Variants in CACNA1E observed in about 807,000 individuals in gnomAD.
CACNA1E encodes voltage-dependent R-type calcium channel subunit alpha-1E.
In CACNA1E, 40 loss-of-function variants were observed where a neutral mutation model predicts 259.2. That is an observed-to-expected ratio of 0.15 (90% CI 0.12 to 0.20). CACNA1E has a LOEUF of 0.20. CACNA1E is among the 10% of genes least tolerant of loss of function. The pLI is 1.00. For missense variants in CACNA1E, 1,874 were observed against 3,040.1 expected, an observed-to-expected ratio of 0.62 and a Z score of 9.02; for synonymous variants, 1,104 against 1,138.5, an observed-to-expected ratio of 0.97 and a Z score of 0.61.
chr1:181,600,959 C>T (rs2103064222), intron 6 of CACNA1E, among the ~76,000 whole-genome samples: 1 of 152,304 alleles, frequency 6.6e-6, no homozygotes, highest in South Asian at 2.1e-4. Flanking sequence ...TCTATTAGCA[C>T]TGCAGTAGGT....
chr1:181,701,380 G>T (rs189162770), intron 7 of CACNA1E, among the ~76,000 whole-genome samples: 3 of 152,280 alleles, frequency 2.0e-5, no homozygotes, highest in East Asian at 3.9e-4. Context: ...GCTGTGGGGG[G>T]TGTAGATGGA....
chr1:181,754,818 G>A (rs1367412760), intron 27 of CACNA1E, among the ~76,000 whole-genome samples: 2 of 152,140 alleles, frequency 1.3e-5, no homozygotes, highest in Non-Finnish European at 2.9e-5. Flanking sequence ...TATATAAATC[G>A]AATCTAAGAA....
intron 25 of CACNA1E, 98 bp from the exon 26 acceptor site, chr1:181,750,378 G>A (rs914219185): frequency 2.9e-6 from 3 of 1,020,954 alleles, no homozygotes; most frequent in African/African-American, 1.6e-5. Context: ...TTTTCTCCCT[G>A]AAGTGTTCTG....
At chr1:181,710,617 G>A (rs1653256258) in intron 7 of CACNA1E, among the ~76,000 whole-genome samples, 2 of 152,198 alleles carry the variant, frequency 1.3e-5, no homozygotes, top group South Asian at 2.1e-4. Context: ...CCTTCAGAGG[G>A]TTAAGGGTTT....
At chr1:181,715,299 AT>A in intron 8 of CACNA1E, 38 bp from the exon 9 acceptor site, 1 of 1,310,804 alleles carries the variant, frequency 7.6e-7, no homozygotes. Flanking sequence ...ATAATTTGGC[AT>A]TTACAGATAA....
intron 2 of CACNA1E, among the ~76,000 whole-genome samples, chr1:181,418,764 C>T (rs569277891): frequency 3.3e-5 from 5 of 152,044 alleles, no homozygotes; most frequent in Non-Finnish European, 7.4e-5. Context: ...TGTCTCCCCC[C>T]TCAAAATGTA....
intron 1 of CACNA1E, among the ~76,000 whole-genome samples, chr1:181,321,314 C>A (rs1349971272): frequency 1.3e-5 from 2 of 152,250 alleles, no homozygotes; most frequent in African/African-American, 4.8e-5. Context: ...TAGATCTCAC[C>A]ACAGGGATCT....
chr1:181,460,439 C>G (rs1283457132), intron 2 of CACNA1E, among the ~76,000 whole-genome samples: 1 of 152,178 alleles, frequency 6.6e-6, no homozygotes, highest in African/African-American at 2.4e-5. Flanking sequence ...GGGCCAGGAA[C>G]AGGACCCACA....
Position 181,722,699 on chromosome 1 carries a change from T to C in CACNA1E, c.2074+824T>C, listed in dbSNP as rs564076527. Among the ~76,000 whole-genome samples the C allele has an allele frequency of 5.3e-5, 8 of 152,350 alleles. No individual in the cohort carries two copies. The East Asian group carries it at 1.5e-3, about 29-fold the overall frequency. ...TACAAACTTCTATACAACTGTTAGATGCTTTTGGGGAGTTGGGTTGGCCGT... is the reference window on the plus strand; with the variant it reads ...TACAAACTTCTATACAACTGTTAGACGCTTTTGGGGAGTTGGGTTGGCCGT... On this transcript the variant is annotated intron_variant, in intron 16 of 47. Coordinates refer to ENST00000367573, the MANE Select transcript of CACNA1E (RefSeq NM_001205293.3).
chr1:181,787,793 A>C (rs1202025782), intron 43 of CACNA1E, among the ~76,000 whole-genome samples: 2 of 152,174 alleles, frequency 1.3e-5, no homozygotes, highest in East Asian at 3.8e-4. Flanking sequence ...CAAGCTCTTC[A>C]AGAGTGGTAA....
chr1:181,673,179 T>C (rs1481515091), intron 7 of CACNA1E, among the ~76,000 whole-genome samples: 1 of 151,728 alleles, frequency 6.6e-6, no homozygotes, highest in Non-Finnish European at 1.5e-5. Context: ...AACTGGGACA[T>C]AGATACATGT....
At chr1:181,343,692 C>T (rs999474362) in intron 1 of CACNA1E, among the ~76,000 whole-genome samples, 6 of 152,200 alleles carry the variant, frequency 3.9e-5, no homozygotes, top group South Asian at 2.1e-4. Context: ...ATCAAGGAGG[C>T]GACAGCTTTC....
chr1:181,327,138 C>A (rs1650857459), intron 1 of CACNA1E, among the ~76,000 whole-genome samples: 1 of 152,208 alleles, frequency 6.6e-6, no homozygotes, highest in African/African-American at 2.4e-5. Context: ...GTCTCCAATG[C>A]TTTGCCCTTA....
chr1:181,634,816 G>C (rs1051018128), intron 6 of CACNA1E, among the ~76,000 whole-genome samples: 1 of 152,112 alleles, frequency 6.6e-6, no homozygotes, highest in Non-Finnish European at 1.5e-5. Context: ...CCTACTCCAG[G>C]TATGTCCCCT....
intron 2 of CACNA1E, among the ~76,000 whole-genome samples, chr1:181,461,395 G>GC (rs1346516564): frequency 6.6e-6 from 1 of 151,706 alleles, no homozygotes; most frequent in East Asian, 1.9e-4. Flanking sequence ...CAAAAAATTA[G>GC]CCGGGCGTGG....
chr1:181,531,298 T>C (rs1667762306), intron 3 of CACNA1E, among the ~76,000 whole-genome samples: 1 of 152,204 alleles, frequency 6.6e-6, no homozygotes, highest in Admixed American at 6.5e-5. Context: ...CCTGGCTTCC[T>C]AGGGGGATAG....
chr1:181,763,385 T>G, intron 33 of CACNA1E, 21 bp from the exon 34 acceptor site: 2 of 1,555,576 alleles, frequency 1.3e-6, no homozygotes, highest in Non-Finnish European at 1.8e-6. Flanking sequence ...CCTAATTATA[T>G]GTTTCCTTTT....
At chr1:181,752,944 C>T (rs1657728353) in intron 27 of CACNA1E, among the ~76,000 whole-genome samples, 1 of 152,338 alleles carries the variant, frequency 6.6e-6, no homozygotes, top group African/African-American at 2.4e-5. Flanking sequence ...CACAATTCTG[C>T]TAGACTGTTG....
Position 181,804,353 on chromosome 1 carries a change from C to G in CACNA1E, c.*5519C>G, listed in dbSNP as rs1448908925. On this transcript the variant is annotated 3_prime_UTR_variant, in exon 48 of 48. Coordinates refer to ENST00000367573, the MANE Select transcript of CACNA1E (RefSeq NM_001205293.3). ...GTACCAGCTGTCTTTTCTCTCTGGT[C>G]TCCTTTTTGTCGTCTTTCTCTTTCT... 6.6e-6 allele frequency: 1 copy of G among 152,146 alleles called. No individual in the cohort carries two copies. Among genetic ancestry groups the G allele is most frequent in the African/African-American group, 2.4e-5 (1 of 41,436 alleles). The allele number at this position is 152,146 out of a possible 1,614,324, so 9.4% of individuals were successfully genotyped here. A position where few individuals can be genotyped will look rare whatever the true frequency, so the allele number is the denominator to read the frequency against.
Sources: allele counts gnomAD v4.1 joint callset (sites outside exome capture counted in the v4.1 genomes callset), GRCh38; gene constraint gnomAD v4.1.1; transcripts MANE v1.5; gene names NCBI Gene and HGNC (gene_info 2026-07-23, HGNC 2026-07-21).